KSR2: variants seen among roughly 807,000 people sequenced by gnomAD.
KSR2 encodes kinase suppressor of ras 2.
KSR2 carries 25 observed loss-of-function variants against 107.8 expected under a neutral mutation model. The observed-to-expected ratio is 0.23, with a 90% CI of 0.17 to 0.32. KSR2 has a LOEUF of 0.32. Among genes scored for constraint, KSR2 ranks in the 10% least tolerant of loss-of-function variants. KSR2 has a pLI of 1.00. For synonymous variants in KSR2, 480 were observed against 507.0 expected (o/e 0.95, Z 0.71); for missense variants, 887 against 1,268.9 (o/e 0.70, Z 4.57).
intron 3 of KSR2, among the ~76,000 whole-genome samples, chr12:117,821,362 C>A (rs1891557750): frequency 6.6e-6 from 1 of 152,126 alleles, no homozygotes; most frequent in Non-Finnish European, 1.5e-5. Flanking sequence ...CCTCTTCAAC[C>A]TACTGAGCAT....
intron 5 of KSR2, among the ~76,000 whole-genome samples, chr12:117,619,027 T>C (rs1169588131): frequency 6.6e-6 from 1 of 152,102 alleles, no homozygotes; most frequent in Non-Finnish European, 1.5e-5. Context: ...GAAGCAGAAA[T>C]TTCTGCAGGA....
At chr12:117,959,785 G>A (rs1398810968) in intron 1 of KSR2, among the ~76,000 whole-genome samples, 1 of 151,952 alleles carries the variant, frequency 6.6e-6, no homozygotes, top group Non-Finnish European at 1.5e-5. Flanking sequence ...TTAAAATGTA[G>A]CCAGCGATGG....
At chr12:117,752,946 G>T (rs1735652574) in intron 4 of KSR2, among the ~76,000 whole-genome samples, 2 of 152,186 alleles carry the variant, frequency 1.3e-5, no homozygotes. Context: ...GTGGGTGTGG[G>T]ATCCTTGGGA....
At chr12:117,525,307 T>C in intron 13 of KSR2, 88 bp from the exon 14 acceptor site, 1 of 1,415,112 alleles carries the variant, frequency 7.1e-7, no homozygotes, top group Non-Finnish European at 9.4e-7. Context: ...TGCACATGCG[T>C]AGGTCTGGGC....
intron 10 of KSR2, among the ~76,000 whole-genome samples, chr12:117,537,471 C>T (rs1876132439): frequency 6.6e-6 from 1 of 152,196 alleles, no homozygotes; most frequent in African/African-American, 2.4e-5. Context: ...AACTGTCACC[C>T]TGCTAAGCTT....
At chr12:117,685,247 T>G (rs995059641) in intron 4 of KSR2, among the ~76,000 whole-genome samples, 1 of 152,214 alleles carries the variant, frequency 6.6e-6, no homozygotes, top group Admixed American at 6.5e-5. Context: ...CTGTGATTAG[T>G]GACTAATCTT....
chr12:117,514,528 C>T (rs1381949616), intron 14 of KSR2, among the ~76,000 whole-genome samples: 5 of 142,792 alleles, frequency 3.5e-5, no homozygotes, highest in African/African-American at 8.1e-5. Context: ...TCTTTGGTTT[C>T]TCTCTCTCTC....
intron 4 of KSR2, among the ~76,000 whole-genome samples, chr12:117,673,505 G>A (rs1229917516): frequency 6.6e-6 from 1 of 152,092 alleles, no homozygotes; most frequent in Non-Finnish European, 1.5e-5. Flanking sequence ...ATGAAAAGAT[G>A]GAGAGAAAGA....
At chr12:117,699,465 CT>C (rs902395663) in intron 4 of KSR2, among the ~76,000 whole-genome samples, 2 of 152,204 alleles carry the variant, frequency 1.3e-5, no homozygotes, top group African/African-American at 4.8e-5. Context: ...GTAGAGCCTA[CT>C]ACACACCTGG....
intron 1 of KSR2, among the ~76,000 whole-genome samples, chr12:117,918,340 T>C (rs1236095968): frequency 1.3e-5 from 2 of 152,174 alleles, no homozygotes; most frequent in African/African-American, 4.8e-5. Flanking sequence ...CCCATCACAG[T>C]ATTCAAAGCT....
At chr12:117,494,125 GC>G (rs1454127693) in intron 14 of KSR2, among the ~76,000 whole-genome samples, 3 of 152,312 alleles carry the variant, frequency 2.0e-5, no homozygotes, top group Non-Finnish European at 1.5e-5. Context: ...GCCTTAGGCT[GC>G]TTCCCATGGC....
At chr12:117,826,869 T>C (rs1178336760) in intron 3 of KSR2, among the ~76,000 whole-genome samples, 2 of 152,068 alleles carry the variant, frequency 1.3e-5, no homozygotes, top group Non-Finnish European at 1.5e-5. Flanking sequence ...CAGATCGCTT[T>C]GAGCTCAGGA....
chr12:117,683,844 C>T (rs1565959832), intron 4 of KSR2, among the ~76,000 whole-genome samples: 2 of 152,230 alleles, frequency 1.3e-5, no homozygotes, highest in Non-Finnish European at 2.9e-5. Context: ...ATACCTTCGG[C>T]TTTGCAAGTC....
chr12:117,629,270 C>T (rs114612310), intron 5 of KSR2, among the ~76,000 whole-genome samples: 3,193 of 152,300 alleles, frequency 0.021, 110 homozygotes, highest in African/African-American at 0.073. Context: ...TAGAAATCAC[C>T]GTCTTCTGCG....
Position 117,462,547 on chromosome 12 carries a change from C to T in KSR2, c.*4652G>A, listed in dbSNP as rs1034439136. The stretch of plus-strand genomic sequence containing the variant: ...CCAGGAAGGATTCCCTTACAGATTT[C>T]AGGGGGAACATGGCCCTGCTAACAC... On this transcript the variant is annotated 3_prime_UTR_variant, in exon 20 of 20. Coordinates refer to ENST00000339824, the MANE Select transcript of KSR2 (RefSeq NM_173598.6). The T allele has an allele frequency of 2.0e-5, 3 of 152,200 alleles. No homozygotes were observed. Among genetic ancestry groups the T allele is most frequent in the African/African-American group, 7.2e-5 (3 of 41,440 alleles). 9.4% of individuals were successfully genotyped at this position (152,200 alleles called of 1,614,324 possible).
intron 1 of KSR2, among the ~76,000 whole-genome samples, chr12:117,946,955 A>G (rs1467338902): frequency 6.6e-6 from 1 of 151,948 alleles, no homozygotes; most frequent in Non-Finnish European, 1.5e-5. Flanking sequence ...ACTTGAGGCT[A>G]GGAGTTCAAG....
rs3073170 is a variant in KSR2 at position 117,812,842 on chromosome 12, C to CAAAAAA, written c.472+42580_472+42585dup. Among the ~76,000 whole-genome samples the CAAAAAA allele has an allele frequency of 1.3e-3, 127 of 95,508 alleles. 2 individuals are homozygous for CAAAAAA. Among genetic ancestry groups the CAAAAAA allele is most frequent in the South Asian group, 5.0e-3 (12 of 2,384 alleles). 62.7% of individuals were successfully genotyped at this position (95,508 alleles called of 152,430 possible). The stretch of plus-strand genomic sequence containing the variant: ...GGAACCACAAAAGACCCCAAATAGC[C>CAAAAAA]AAAAAAAAAAAAAAAAATCATCCTG... On this transcript the variant is annotated intron_variant, in intron 3 of 19. Coordinates refer to ENST00000339824, the MANE Select transcript of KSR2 (RefSeq NM_173598.6).
At chr12:117,628,300 C>A (rs1388772727) in intron 5 of KSR2, among the ~76,000 whole-genome samples, 1 of 152,178 alleles carries the variant, frequency 6.6e-6, no homozygotes, top group South Asian at 2.1e-4. Flanking sequence ...GAATTTTCAG[C>A]TTTTCTGCTC....
At chr12:117,694,590 A>C (rs948154694) in intron 4 of KSR2, among the ~76,000 whole-genome samples, 2 of 152,176 alleles carry the variant, frequency 1.3e-5, no homozygotes, top group African/African-American at 4.8e-5. Flanking sequence ...GAAAGCAAGA[A>C]CTCAAACCGA....
Sources: gnomAD v4.1 joint callset for allele counts (sites outside exome capture counted in the v4.1 genomes callset) on GRCh38, gnomAD v4.1.1 for gene constraint, MANE v1.5 for transcripts, NCBI Gene and HGNC (gene_info 2026-07-23, HGNC 2026-07-21) for gene names.